The following SNX19 variants were observed in gnomAD, a reference collection of about 807,000 sequenced individuals.
SNX19 encodes the protein sorting nexin-19.
Under a neutral mutation model 85.2 loss-of-function variants are expected in SNX19, and 60 were observed. That is an observed-to-expected ratio of 0.70 (90% CI 0.57 to 0.87). The LOEUF (loss-of-function observed/expected upper bound fraction) is 0.87. Ranked by LOEUF, SNX19 falls within the 40% of genes least tolerant of loss-of-function variation. The pLI, the probability that SNX19 is intolerant of heterozygous loss-of-function variation, is 0.00. For synonymous variants in SNX19, 520 were observed against 470.0 expected (o/e 1.11, Z -1.38); for missense variants, 1,201 against 1,217.8 (o/e 0.99, Z 0.21).
At chr11:130,878,911 C>T (rs975692907) in intron 10 of SNX19, among the ~76,000 whole-genome samples, 5 of 152,152 alleles carry the variant, frequency 3.3e-5, no homozygotes, top group African/African-American at 9.7e-5. Context: ...TAATTAATTA[C>T]CTTAAATTTA....
intron 7 of SNX19, chr11:130,905,589 G>T (rs1945602245): frequency 3.1e-6 from 4 of 1,274,936 alleles, no homozygotes; most frequent in Non-Finnish European, 4.2e-6. Flanking sequence ...CACGAAAAAG[G>T]CATGAAGGAA....
chr11:130,914,505 G>C lies in SNX19; in HGVS notation c.1435C>G (p.Arg479Gly), dbSNP rs777960152. ...AGATCCTTCTCTAAGCATGACGGCC[G>C]TGAGGGGCAGGTCTTTTCTGGCCCC... ...LEGPEKTCPS[R>G]PSCLEKDLTN... Residue 479 changes from arginine to glycine, a missense_variant, in exon 1 of 11, where the codon CGG (arginine) becomes GGG (glycine). Arg to Gly is a moderately radical substitution (Grantham distance 125). This residue lies in a region of SNX19 where 791 missense variants were observed against 750.9 expected (regional missense o/e 1.05). Transcript: ENST00000265909. 1.9e-6 allele frequency: 3 copies of C among 1,613,944 alleles called. No individual in the cohort carries two copies. Among genetic ancestry groups the C allele is most frequent in the Non-Finnish European group, 2.5e-6 (3 of 1,179,846 alleles).
At position 130,905,735 on chromosome 11, in the gene SNX19, C is replaced by T; in HGVS notation, c.2443+218G>A. 7 of 1,536,420 alleles carry T rather than the reference C, an allele frequency of 4.6e-6. No individual in the cohort carries two copies. In the South Asian group the frequency reaches 8.3e-5, roughly 18 times the overall value. On this transcript the variant is annotated intron_variant, in intron 7 of 10. Transcript: ENST00000265909. ...TCTCATCCTGCTGGATTAGAACTTC[C>T]TGTGTTTGTGCCCTGTTCTGCTGCT...
At position 130,871,724 on chromosome 11, in the gene SNX19, T is replaced by C. The variant is rs1275463254; in HGVS notation, c.*6698A>G. On this transcript the variant is annotated 3_prime_UTR_variant, in exon 11 of 11. Transcript: ENST00000265909. The stretch of plus-strand genomic sequence containing the variant: ...TTATCTAGCTACATCTTTACTCTCA[T>C]GGGTTAATCAAAGTTTCTGGAAGTA... Among the ~76,000 whole-genome samples the C allele has an allele frequency of 6.6e-6, 1 of 152,184 alleles. No homozygotes were observed. Among genetic ancestry groups the C allele is most frequent in the Admixed American group, 6.5e-5 (1 of 15,282 alleles).
rs1464098948 is a variant in SNX19, at chr11:130,868,706, C to T, written c.*9716G>A. 6.6e-6 allele frequency: 1 copy of T among 152,230 alleles called. No homozygotes were observed. Among genetic ancestry groups the T allele is most frequent in the Admixed American group, 6.5e-5 (1 of 15,276 alleles). 9.4% of individuals were successfully genotyped at this position (152,230 alleles called of 1,614,324 possible). On this transcript the variant is annotated 3_prime_UTR_variant, in exon 11 of 11. Coordinates refer to ENST00000265909, the MANE Select transcript of SNX19 (RefSeq NM_014758.3). ...GACCACACCCCATGCCCAGTATACT[C>T]TTAGAGCAGAGAGGAGGTCTGGAGG... is the stretch of plus-strand genomic sequence containing the variant.
intron 7 of SNX19, among the ~76,000 whole-genome samples, chr11:130,904,119 C>A (rs976882204): frequency 1.3e-5 from 2 of 152,180 alleles, no homozygotes; most frequent in African/African-American, 4.8e-5. Context: ...CACAAATGAG[C>A]TTATACCCAT....
At chr11:130,912,784 G>A (rs537568567) in intron 1 of SNX19, among the ~76,000 whole-genome samples, 1 of 152,246 alleles carries the variant, frequency 6.6e-6, no homozygotes, top group African/African-American at 2.4e-5. Context: ...TCTCAAGCCT[G>A]GAGCATTTGG....
At chr11:130,911,328 T>C (rs1592372724) in intron 2 of SNX19, 2 of 533,654 alleles carry the variant, frequency 3.7e-6, no homozygotes, top group Non-Finnish European at 5.1e-6. Context: ...AATCTATGAA[T>C]CTGGAAAAGT....
At position 130,871,085 on chromosome 11, in the gene SNX19, G is replaced by A. The variant is rs1022798723; in HGVS notation, c.*7337C>T. On this transcript the variant is annotated 3_prime_UTR_variant, in exon 11 of 11. Transcript: ENST00000265909. The stretch of plus-strand genomic sequence containing the variant: ...TGGAGAAGAGAAGGTAATCTACCAC[G>A]TGGAAGGAAGGACATGAACAAAAAA... 5.9e-5 allele frequency among the ~76,000 whole-genome samples: 9 copies of A among 152,140 alleles called. No homozygotes were observed. The highest frequency in any genetic ancestry group is 2.0e-4 in the Admixed American group (3 of 15,278).
At chr11:130,900,331 T>C (rs1252992653) in intron 8 of SNX19, among the ~76,000 whole-genome samples, 1 of 152,156 alleles carries the variant, frequency 6.6e-6, no homozygotes, top group Non-Finnish European at 1.5e-5. Context: ...ATTGACATTT[T>C]ATCCTCAATA....
At position 130,906,121 on chromosome 11, in the gene SNX19, G is replaced by A. The variant is rs1250493568; in HGVS notation, c.2275C>T (p.Leu759=). The change falls in exon 7 of 11, where the codon CTA becomes TTA. Residue 759 remains leucine (L), a synonymous_variant. Transcript: ENST00000265909. ...AAAGATTCCATCGCAGACATGGATA[G>A]AGTCTCAGACTCCTAAGAAATAGTC... ...LQEGNVESET[L]SMSAMESFIE... is the part of the protein sequence containing the mutation. 1.9e-6 allele frequency: 3 copies of A among 1,613,866 alleles called. No homozygotes were observed. The highest frequency in any genetic ancestry group is 1.7e-4 in the Middle Eastern group (1 of 6,060).
rs1946282286 is a variant in SNX19, at chr11:130,913,240, A to G, written c.1674+1026T>C. Among the ~76,000 whole-genome samples the G allele has an allele frequency of 1.3e-5, 2 of 152,228 alleles. 1 individual carries two copies. The highest frequency in any genetic ancestry group is 4.1e-4 in the South Asian group (2 of 4,832). ...CAACACTTAAATGTGAGAAAGGTGC[A>G]TGGCATAGGGGCATCCAGAATTAGA... On this transcript the variant is annotated intron_variant, in intron 1 of 10. Transcript: ENST00000265909.
chr11:130,903,055 G>T (rs61909160), intron 8 of SNX19, 200 bp downstream of exon 8: 2 of 610,076 alleles, frequency 3.3e-6, no homozygotes, highest in Non-Finnish European at 5.5e-6. Context: ...AAGTCTTACA[G>T]TCTTACTTTC....
chr11:130,912,916 T>A (rs1201810396), intron 1 of SNX19, among the ~76,000 whole-genome samples: 2 of 152,224 alleles, frequency 1.3e-5, no homozygotes, highest in Non-Finnish European at 2.9e-5. Flanking sequence ...AATATTGATA[T>A]ACAATTTAAA....
intron 4 of SNX19, 149 bp from the exon 5 acceptor site, chr11:130,908,232 AC>A: frequency 1.3e-6 from 1 of 755,354 alleles, no homozygotes; most frequent in Non-Finnish European, 2.0e-6. Context: ...AAGGTCGAAT[AC>A]CAGCTAATGA....
rs1943005112 is a variant in SNX19 at position 130,870,981 on chromosome 11, G to A, written c.*7441C>T. Among the ~76,000 whole-genome samples, 1 of 152,126 alleles carries A rather than the reference G, an allele frequency of 6.6e-6. No individual in the cohort carries two copies. Among genetic ancestry groups the A allele is most frequent in the Non-Finnish European group, 1.5e-5 (1 of 68,032 alleles). On this transcript the variant is annotated 3_prime_UTR_variant, in exon 11 of 11. Coordinates refer to ENST00000265909, the MANE Select transcript of SNX19 (RefSeq NM_014758.3). The stretch of plus-strand genomic sequence containing the variant: ...TGAAAAGAAAGTGGGAAGAGTTTTG[G>A]CTGGTGCAATCAGACAGTGCTTCTT...
chr11:130,897,358 ACTCTGT>A (rs1179745524), intron 8 of SNX19, among the ~76,000 whole-genome samples: 1 of 150,842 alleles, frequency 6.6e-6, no homozygotes, highest in African/African-American at 2.4e-5. Context: ...ACACACACAC[ACTCTGT>A]CTCTATCTTA....
intron 8 of SNX19, among the ~76,000 whole-genome samples, chr11:130,884,945 C>A (rs1341737894): frequency 6.7e-6 from 1 of 149,608 alleles, no homozygotes; most frequent in Non-Finnish European, 1.5e-5. Context: ...TCATGTAATA[C>A]AAGATGCATG....
chr11:130,902,906 T>C (rs1945353463), intron 8 of SNX19, among the ~76,000 whole-genome samples: 1 of 152,204 alleles, frequency 6.6e-6, no homozygotes, highest in East Asian at 1.9e-4. Context: ...ATAATGTCAG[T>C]TGAGACAAAT....
Sources: gnomAD v4.1 joint callset for allele counts (sites outside exome capture counted in the v4.1 genomes callset) on GRCh38, gnomAD v4.1.1 for gene constraint, gnomAD v4.1.1 regional missense constraint, MANE v1.5 for transcripts, NCBI Gene and HGNC (gene_info 2026-07-23, HGNC 2026-07-21) for gene names.